The following STEAP4 variants were observed in gnomAD, a reference collection of about 807,000 sequenced individuals.
The protein encoded by STEAP4 is metalloreductase STEAP4.
In STEAP4, 36 loss-of-function variants were observed where a neutral mutation model predicts 43.6. The ratio of observed to expected loss-of-function variants is 0.83; its 90% CI spans 0.63 to 1.09. The LOEUF (loss-of-function observed/expected upper bound fraction) is 1.09. STEAP4 is among the 50% of genes least tolerant of loss of function. The pLI, the probability that STEAP4 is intolerant of heterozygous loss-of-function variation, is 0.00. For synonymous variants in STEAP4, 191 were observed against 196.7 expected, an observed-to-expected ratio of 0.97 and a Z score of 0.24; for missense variants, 495 against 546.5, an observed-to-expected ratio of 0.91 and a Z score of 0.94.
intron 1 of STEAP4, among the ~76,000 whole-genome samples, chr7:88,289,080 GTA>G (rs1247635868): frequency 2.6e-5 from 4 of 151,716 alleles, no homozygotes; most frequent in Non-Finnish European, 5.9e-5. Context: ...GTGTGTGTGT[GTA>G]TGTGTGTGTG....
rs1852550587 is a variant in STEAP4 at position 88,278,409 on chromosome 7, A to C, written c.*989T>G. The C allele has an allele frequency of 6.6e-6, 1 of 152,254 alleles. No homozygotes were observed. Among genetic ancestry groups the C allele is most frequent in the South Asian group, 2.1e-4 (1 of 4,838 alleles). 9.4% of individuals were successfully genotyped at this position (152,254 alleles called of 1,614,324 possible). On this transcript the variant is annotated 3_prime_UTR_variant, in exon 5 of 5. Coordinates refer to ENST00000380079, the MANE Select transcript of STEAP4 (RefSeq NM_024636.4). ...ATTTAATTTTACTCCTTACAATTAT[A>C]ATAGACTAAGACAGATATAGAAGCT...
At chr7:88,294,289 A>G (rs894741639) in intron 1 of STEAP4, among the ~76,000 whole-genome samples, 7 of 152,130 alleles carry the variant, frequency 4.6e-5, no homozygotes, top group Non-Finnish European at 1.0e-4. Flanking sequence ...TTTGTATAAA[A>G]TTACCTTTAG....
intron 1 of STEAP4, among the ~76,000 whole-genome samples, chr7:88,301,858 G>A (rs748587341): frequency 3.2e-4 from 49 of 152,222 alleles, no homozygotes; most frequent in Non-Finnish European, 6.3e-4. Flanking sequence ...TTACAGGCGT[G>A]AGCCGCCGTG....
chr7:88,296,388 T>G (rs1852923870), intron 1 of STEAP4, among the ~76,000 whole-genome samples: 1 of 152,160 alleles, frequency 6.6e-6, no homozygotes, highest in Non-Finnish European at 1.5e-5. Flanking sequence ...CTTGGCACCT[T>G]CCAGAGAGTT....
At chr7:88,289,473 A>G (rs1469869565) in intron 1 of STEAP4, among the ~76,000 whole-genome samples, 2 of 152,212 alleles carry the variant, frequency 1.3e-5, no homozygotes, top group African/African-American at 4.8e-5. Flanking sequence ...CAGTGTATGT[A>G]GAGTTTGCAC....
At chr7:88,279,669 A>G (rs370795500) in intron 4 of STEAP4, 41 bp from the exon 5 acceptor site, 79 of 1,497,650 alleles carry the variant, frequency 5.3e-5, no homozygotes, top group South Asian at 2.8e-4. Context: ...AACATTATTT[A>G]CATCTTAAAG....
chr7:88,295,526 C>A lies in STEAP4; in HGVS notation c.-2-11255G>T, dbSNP rs575226557. 2.6e-5 allele frequency among the ~76,000 whole-genome samples: 4 copies of A among 152,214 alleles called. No homozygotes were observed. In the South Asian group the frequency reaches 8.3e-4, roughly 32 times the overall value. The stretch of plus-strand genomic sequence containing the variant: ...TCCCCCAGGTGATTCAAATGTACAG[C>A]CAAGCTTGAGAACCATTGCCTTAAA... On this transcript the variant is annotated intron_variant, in intron 1 of 4. Coordinates refer to ENST00000380079, the MANE Select transcript of STEAP4 (RefSeq NM_024636.4).
At chr7:88,304,258 C>T (rs906676388) in intron 1 of STEAP4, 5 of 151,944 alleles carry the variant, frequency 3.3e-5, no homozygotes, top group Non-Finnish European at 4.4e-5. Flanking sequence ...GTGGGTGCAG[C>T]GCACCAGCAT....
chr7:88,290,479 C>G (rs148477030), intron 1 of STEAP4: 12 of 152,198 alleles, frequency 7.9e-5, no homozygotes, highest in African/African-American at 2.6e-4. Context: ...ATGAAGGGAG[C>G]AAAGAACACC....
intron 3 of STEAP4, 48 bp downstream of exon 3, chr7:88,282,593 T>C: frequency 6.6e-7 from 1 of 1,506,474 alleles, no homozygotes; most frequent in Non-Finnish European, 9.1e-7. Flanking sequence ...GATGTAGCAA[T>C]AGTCTCTGAT....
intron 1 of STEAP4, chr7:88,293,128 G>A (rs1852864664): frequency 6.6e-6 from 1 of 152,102 alleles, no homozygotes. Flanking sequence ...CCCTTACCAG[G>A]TATTTATGAG....
At chr7:88,281,871 CT>C (rs1852626065) in intron 3 of STEAP4, 1 of 152,176 alleles carries the variant, frequency 6.6e-6, no homozygotes, top group Non-Finnish European at 1.5e-5. Context: ...ATTATAAGCG[CT>C]CTTTTGTGAA....
chr7:88,297,251 C>T (rs1852938457), intron 1 of STEAP4, among the ~76,000 whole-genome samples: 1 of 152,168 alleles, frequency 6.6e-6, no homozygotes, highest in African/African-American at 2.4e-5. Flanking sequence ...TAAGACTGAT[C>T]TCTGAATTTG....
At chr7:88,291,566 T>C (rs185333048) in intron 1 of STEAP4, among the ~76,000 whole-genome samples, 118 of 151,848 alleles carry the variant, frequency 7.8e-4, no homozygotes, top group African/African-American at 2.7e-3. Context: ...TGAGGGTGCA[T>C]TTTGCATTAG....
At chr7:88,279,705 T>C in intron 4 of STEAP4, 77 bp from the exon 5 acceptor site, 1 of 1,244,700 alleles carries the variant, frequency 8.0e-7, no homozygotes, top group African/African-American at 1.5e-5. Flanking sequence ...CAGTGACAGA[T>C]ATTTGTCAAC....
chr7:88,303,873 A>G (rs1853081704), intron 1 of STEAP4, among the ~76,000 whole-genome samples: 1 of 152,220 alleles, frequency 6.6e-6, no homozygotes, highest in South Asian at 2.1e-4. Context: ...GATTCCTTCC[A>G]GGACTGATTT....
rs1410524236 is a variant in STEAP4, at chr7:88,282,769, A to G, written c.856T>C (p.Trp286Arg). 6.2e-7 allele frequency: 1 copy of G among 1,614,046 alleles called. No individual in the cohort carries two copies. Among genetic ancestry groups the G allele is most frequent in the African/African-American group, 1.3e-5 (1 of 74,938 alleles). Residue 286 changes from tryptophan to arginine, a missense_variant, in exon 3 of 5, where the codon TGG becomes CGG. Transcript: ENST00000380079. ...CCAAGCTGCTTTCGGCAAAGCATCC[A>G]GTGGTCAAGCCAGTCTGGGAATCGA... is the stretch of plus-strand genomic sequence containing the variant. Reference protein sequence around the residue: ...YRRFPDWLDHWMLCRKQLGLV... With the variant: ...YRRFPDWLDHRMLCRKQLGLV...
chr7:88,306,752 C>T (rs1853143140), intron 1 of STEAP4, 40 bp downstream of exon 1: 1 of 152,454 alleles, frequency 6.6e-6, no homozygotes, highest in South Asian at 2.1e-4. Flanking sequence ...TGAGCTGAAG[C>T]AGATAAGGGA....
intron 4 of STEAP4, 98 bp from the exon 5 acceptor site, chr7:88,279,726 A>G (rs1852585041): frequency 1.0e-6 from 1 of 989,276 alleles, no homozygotes; most frequent in Non-Finnish European, 1.5e-6. Context: ...AACCACAAAC[A>G]TTTGAGACCT....
Sources: gnomAD v4.1 joint callset for allele counts (sites outside exome capture counted in the v4.1 genomes callset) on GRCh38, gnomAD v4.1.1 for gene constraint, MANE v1.5 for transcripts, NCBI Gene and HGNC (gene_info 2026-07-23, HGNC 2026-07-21) for gene names.